The following PARS2 variants were observed in gnomAD, a reference collection of about 807,000 sequenced individuals.
PARS2 encodes probable proline--tRNA ligase, mitochondrial.
Under a neutral mutation model 27.4 loss-of-function variants are expected in PARS2, and 20 were observed. The ratio of observed to expected loss-of-function variants is 0.73; its 90% CI spans 0.51 to 1.06. The LOEUF is 1.06. Ranked by LOEUF, PARS2 falls within the 50% of genes least tolerant of loss-of-function variation. The pLI is 0.00. For synonymous variants in PARS2, 240 were observed against 247.1 expected (o/e 0.97, Z 0.27); for missense variants, 585 against 602.1 (o/e 0.97, Z 0.30).
intron 1 of PARS2, among the ~76,000 whole-genome samples, chr1:54,761,441 G>A (rs533244515): frequency 2.0e-5 from 3 of 152,170 alleles, no homozygotes; most frequent in Non-Finnish European, 2.9e-5. Context: ...ATGGCAGTAC[G>A]ACATTCCACT....
intron 1 of PARS2, among the ~76,000 whole-genome samples, chr1:54,761,544 T>C (rs563598916): frequency 6.6e-4 from 101 of 152,352 alleles, no homozygotes; most frequent in Non-Finnish European, 1.2e-3. Flanking sequence ...GGAGAGGCGT[T>C]GAAGAATGGA....
At chr1:54,761,479 TTC>T (rs1330270031) in intron 1 of PARS2, among the ~76,000 whole-genome samples, 1 of 152,234 alleles carries the variant, frequency 6.6e-6, no homozygotes, top group Non-Finnish European at 1.5e-5. Flanking sequence ...GTAGTTGGTT[TTC>T]TCTGTTATAC....
At position 54,757,329 on chromosome 1, in the gene PARS2, G is replaced by C. The variant is rs929820492; in HGVS notation, c.*405C>G. 8 of 161,236 alleles carry C rather than the reference G, an allele frequency of 5.0e-5. No homozygotes were observed. The highest frequency in any genetic ancestry group is 4.4e-4 in the Admixed American group (7 of 15,948). The allele number at this position is 161,236 out of a possible 1,614,324, so 10.0% of individuals were successfully genotyped here. A position where few individuals can be genotyped will look rare whatever the true frequency, so the allele number is the denominator to read the frequency against. On this transcript the variant is annotated 3_prime_UTR_variant, in exon 2 of 2. Transcript: ENST00000371279. ...GTAGCAAAAGGCCCGTGGTCAAACT[G>C]ATACGGGGTGGGGAAGGTTGGTGGG...
At position 54,762,382 on chromosome 1, in the gene PARS2, A is replaced by G. The variant is rs149326109; in HGVS notation, c.-30+2079T>C. Among the ~76,000 whole-genome samples, 1,295 of 152,248 alleles carry G rather than the reference A, an allele frequency of 8.5e-3. 29 individuals carry two copies. Among genetic ancestry groups the G allele is most frequent in the African/African-American group, 0.03 (1,247 of 41,552 alleles). ...TCAAACTCCTTGACCTCAAGTGATC[A>G]GCCCGCCACGGCCTCCCAAAGTGCT... On this transcript the variant is annotated intron_variant, in intron 1 of 1. Transcript: ENST00000371279.
chr1:54,761,908 T>C (rs1646159261), intron 1 of PARS2, among the ~76,000 whole-genome samples: 1 of 152,228 alleles, frequency 6.6e-6, no homozygotes, highest in Non-Finnish European at 1.5e-5. Context: ...CCTGGCTCTA[T>C]AACTTCCTTG....
intron 1 of PARS2, among the ~76,000 whole-genome samples, chr1:54,760,070 G>T (rs561049303): frequency 6.6e-6 from 1 of 151,694 alleles, no homozygotes; most frequent in East Asian, 1.9e-4. Context: ...TGCAGCTGAC[G>T]TTTTGTTGCC....
chr1:54,757,835 C>G lies in PARS2; in HGVS notation c.1327G>C (p.Asp443His). ...CACCAAACCTCAAAATGTGCAGGGT[C>G]CTCCAGGGCCCTCTTGCCAGCGATT... ...VIIAGKRALE[D>H]PAHFEVWCQN... Residue 443 changes from aspartate to histidine, a missense_variant, in exon 2 of 2, where the codon GAC becomes CAC. By Grantham distance (81) the Asp-to-His change is moderately conservative (BLOSUM62 -1). Transcript: ENST00000371279. 1 of 1,614,168 alleles carries G rather than the reference C, an allele frequency of 6.2e-7. No homozygotes were observed. The highest frequency in any genetic ancestry group is 8.5e-7 in the Non-Finnish European group (1 of 1,180,016).
At chr1:54,760,669 T>C (rs1646150611) in intron 1 of PARS2, among the ~76,000 whole-genome samples, 1 of 152,178 alleles carries the variant, frequency 6.6e-6, no homozygotes, top group African/African-American at 2.4e-5. Context: ...CTGCTACCCT[T>C]AGAATAAGGT....
chr1:54,761,032 C>T (rs1201885763), intron 1 of PARS2, among the ~76,000 whole-genome samples: 1 of 152,216 alleles, frequency 6.6e-6, no homozygotes, highest in African/African-American at 2.4e-5. Context: ...ACTGCCTCGG[C>T]CTCCCAAAGT....
chr1:54,757,741 GTC>G lies in PARS2; in HGVS notation c.1419_1420del (p.Gln473HisfsTer43). On this transcript the variant is annotated frameshift_variant, in exon 2 of 2. Transcript: ENST00000371279. LOFTEE classifies it high-confidence loss of function. ...GGGGTGGGCTGGGGGCATTTAGACAGTCTGCACTGGGGTCAGTAAATCCATGA... is the reference window on the plus strand; with the variant it reads ...GGGGTGGGCTGGGGGCATTTAGACAGTGCACTGGGGTCAGTAAATCCATGA... 1.2e-6 allele frequency: 2 copies of G among 1,603,924 alleles called. No individual in the cohort carries two copies. Among genetic ancestry groups the G allele is most frequent in the Non-Finnish European group, 1.7e-6 (2 of 1,173,296 alleles).
chr1:54,757,785 G>T lies in PARS2; in HGVS notation c.1377C>A (p.Phe459Leu). 1 of 1,614,018 alleles carries T rather than the reference G, an allele frequency of 6.2e-7. No homozygotes were observed. The highest frequency in any genetic ancestry group is 1.7e-4 in the Middle Eastern group (1 of 6,060). ...VWCQNTGEVA[F>L]LTKDGVMDLL... ...AATCCATGACTCCATCTTTGGTGAG[G>T]AAGGCCACCTCACCAGTGTTCTGAC... Residue 459 changes from phenylalanine to leucine, a missense_variant, in exon 2 of 2, where the codon TTC (phenylalanine) becomes TTA (leucine). Phe to Leu is a conservative substitution (Grantham distance 22). Coordinates refer to ENST00000371279, the MANE Select transcript of PARS2 (RefSeq NM_152268.4).
intron 1 of PARS2, among the ~76,000 whole-genome samples, chr1:54,759,946 G>C (rs1241231068): frequency 6.6e-6 from 1 of 152,086 alleles, no homozygotes; most frequent in African/African-American, 2.4e-5. Context: ...GGAGGTTGCA[G>C]TGAGCTGAGA....
At chr1:54,764,046 C>T (rs1356206627) in intron 1 of PARS2, among the ~76,000 whole-genome samples, 1 of 152,236 alleles carries the variant, frequency 6.6e-6, no homozygotes, top group Non-Finnish European at 1.5e-5. Context: ...CTACATTAAA[C>T]AGCAATGGAA....
rs760947116 is a variant in PARS2, at chr1:54,759,206, T to C, written c.-29-16A>G. On this transcript the variant is annotated splice_polypyrimidine_tract_variant and intron_variant, in intron 1 of 1. Transcript: ENST00000371279. ...GCACAGGCACCTGAGGAAAAATGAG[T>C]TGTGTGAGAATGAGCCTCATCCGTG... 1 of 1,467,608 alleles carries C rather than the reference T, an allele frequency of 6.8e-7. No homozygotes were observed. Among genetic ancestry groups the C allele is most frequent in the East Asian group, 2.3e-5 (1 of 42,700 alleles). The allele number at this position is 1,467,608 out of a possible 1,614,324, so 90.9% of individuals were successfully genotyped here.
chr1:54,764,099 C>T (rs1178059824), intron 1 of PARS2, among the ~76,000 whole-genome samples: 2 of 152,208 alleles, frequency 1.3e-5, no homozygotes, highest in Non-Finnish European at 2.9e-5. Flanking sequence ...TTCACTCGCT[C>T]GGTGACCCTG....
At chr1:54,763,204 C>T (rs1184909204) in intron 1 of PARS2, among the ~76,000 whole-genome samples, 1 of 152,230 alleles carries the variant, frequency 6.6e-6, no homozygotes, top group Non-Finnish European at 1.5e-5. Context: ...AAAGTCACCT[C>T]CTCTGTGCTC....
chr1:54,764,029 A>C (rs1210981202), intron 1 of PARS2, among the ~76,000 whole-genome samples: 2 of 152,324 alleles, frequency 1.3e-5, no homozygotes, highest in East Asian at 3.9e-4. Flanking sequence ...TTCCATCACG[A>C]ACTGTGCTAC....
rs746012936 is a variant in PARS2, at chr1:54,758,900, A to G, written c.262T>C (p.Tyr88His). 6.8e-6 allele frequency: 11 copies of G among 1,614,210 alleles called. No individual in the cohort carries two copies. Among genetic ancestry groups the G allele is most frequent in the South Asian group, 4.4e-5 (4 of 91,082 alleles). Reference sequence around the variant, plus strand: ...CGGACGGTATATGGCAGGAGGTGGTAACAGCCGGGGCTTGCTGGGTAGATC... The same window carrying G: ...CGGACGGTATATGGCAGGAGGTGGTGACAGCCGGGGCTTGCTGGGTAGATC... ...GLIYPASPGC[Y>H]HLLPYTVRAM... Residue 88 changes from tyrosine to histidine, a missense_variant, in exon 2 of 2, where the codon TAC becomes CAC. By Grantham distance (83) the Tyr-to-His change is moderately conservative (BLOSUM62 2). Transcript: ENST00000371279.
At chr1:54,763,041 C>A (rs565641841) in intron 1 of PARS2, among the ~76,000 whole-genome samples, 1 of 152,252 alleles carries the variant, frequency 6.6e-6, no homozygotes, top group African/African-American at 2.4e-5. Context: ...ACATTTTGAT[C>A]CCAACACACC....
Sources: gnomAD v4.1 joint callset for allele counts (sites outside exome capture counted in the v4.1 genomes callset) on GRCh38, gnomAD v4.1.1 for gene constraint, MANE v1.5 for transcripts, NCBI Gene and HGNC (gene_info 2026-07-23, HGNC 2026-07-21) for gene names.